Variants in OR9Q1 observed in about 807,000 individuals in gnomAD.
OR9Q1 encodes olfactory receptor 9Q1.
For missense variants in OR9Q1, 374 were observed against 378.8 expected, an observed-to-expected ratio of 0.99 and a Z score of 0.11; for synonymous variants, 153 against 148.6, an observed-to-expected ratio of 1.03 and a Z score of -0.22.
chr11:58,112,947 C>T lies in OR9Q1; in HGVS notation c.-15+57000C>T, dbSNP rs535248851. Among the ~76,000 whole-genome samples, 17 of 152,184 alleles carry T rather than the reference C, an allele frequency of 1.1e-4. 1 individual carries two copies. Among genetic ancestry groups the T allele is most frequent in the Middle Eastern group, 3.4e-3 (1 of 294 alleles). On this transcript the variant is annotated intron_variant, in intron 2 of 2. Coordinates refer to ENST00000335397, the MANE Select transcript of OR9Q1 (RefSeq NM_001005212.4). ...TCTCAACACTTGTTGAAAATACCCACGATCACCCTCAGAGACCCAGGACTT... is the reference window on the plus strand; with the variant it reads ...TCTCAACACTTGTTGAAAATACCCATGATCACCCTCAGAGACCCAGGACTT...
At chr11:58,064,544 A>G (rs995274620) in intron 2 of OR9Q1, among the ~76,000 whole-genome samples, 1 of 152,126 alleles carries the variant, frequency 6.6e-6, no homozygotes, top group Non-Finnish European at 1.5e-5. Flanking sequence ...TGTTGCTGGG[A>G]GCCACAAGCA....
At chr11:58,141,649 A>G (rs575604559) in intron 2 of OR9Q1, among the ~76,000 whole-genome samples, 19 of 152,218 alleles carry the variant, frequency 1.2e-4, no homozygotes, top group Admixed American at 1.3e-4. Flanking sequence ...TTTTGCATCA[A>G]TGTTCGTCAG....
chr11:58,120,020 T>C (rs1211209193), intron 2 of OR9Q1, among the ~76,000 whole-genome samples: 2 of 152,222 alleles, frequency 1.3e-5, no homozygotes, highest in African/African-American at 4.8e-5. Flanking sequence ...CACATTGATA[T>C]ATTTTCCGTC....
chr11:58,068,471 G>A (rs1275394574), intron 2 of OR9Q1, among the ~76,000 whole-genome samples: 4 of 152,142 alleles, frequency 2.6e-5, no homozygotes, highest in African/African-American at 9.7e-5. Context: ...CCACGGGAAT[G>A]AGCCCATGCC....
chr11:58,118,920 GTTTA>G, intron 2 of OR9Q1: 1 of 1,614,036 alleles, frequency 6.2e-7, no homozygotes, highest in Non-Finnish European at 8.5e-7. Context: ...AGAAGAAGAA[GTTTA>G]TTTGATTGTC....
intron 1 of OR9Q1, among the ~76,000 whole-genome samples, chr11:58,024,537 G>C (rs973242281): frequency 1.3e-5 from 2 of 152,128 alleles, no homozygotes; most frequent in Non-Finnish European, 2.9e-5. Flanking sequence ...TTCAATTTTC[G>C]TGCATGGGCC....
intron 2 of OR9Q1, among the ~76,000 whole-genome samples, chr11:58,081,665 G>A (rs1853588424): frequency 1.3e-5 from 2 of 151,824 alleles, no homozygotes; most frequent in Admixed American, 1.3e-4. Context: ...TGATGGGGTT[G>A]TTTGTTTTTT....
intron 2 of OR9Q1, among the ~76,000 whole-genome samples, chr11:58,099,821 T>G (rs1319846982): frequency 6.6e-6 from 1 of 152,172 alleles, no homozygotes; most frequent in African/African-American, 2.4e-5. Flanking sequence ...ATCAATCATG[T>G]TTTTTCCTTA....
At position 58,102,038 on chromosome 11, in the gene OR9Q1, G is replaced by A. The variant is rs543876204; in HGVS notation, c.-15+46091G>A. On this transcript the variant is annotated intron_variant, in intron 2 of 2. Transcript: ENST00000335397. Reference sequence around the variant, plus strand: ...TGGGATTACAGGTGTGAGCCACCACGCCCGGCCATCTTCCAGAATTTTTAC... The same window carrying A: ...TGGGATTACAGGTGTGAGCCACCACACCCGGCCATCTTCCAGAATTTTTAC... Among the ~76,000 whole-genome samples, 5 of 152,212 alleles carry A rather than the reference G, an allele frequency of 3.3e-5. No homozygotes were observed. The East Asian group carries it at 5.8e-4, about 18-fold the overall frequency.
intron 2 of OR9Q1, among the ~76,000 whole-genome samples, chr11:58,172,278 A>G (rs1177335226): frequency 1.3e-5 from 2 of 152,136 alleles, no homozygotes; most frequent in African/African-American, 4.8e-5. Context: ...GGTCATCACA[A>G]TTATTATTAG....
intron 1 of OR9Q1, among the ~76,000 whole-genome samples, chr11:58,046,554 T>C (rs1278991456): frequency 2.0e-5 from 3 of 152,156 alleles, no homozygotes; most frequent in African/African-American, 7.2e-5. Flanking sequence ...AGTTGAGATG[T>C]AACTGCACTT....
At chr11:58,170,153 A>G (rs866334851) in intron 2 of OR9Q1, among the ~76,000 whole-genome samples, 4 of 152,140 alleles carry the variant, frequency 2.6e-5, no homozygotes, top group African/African-American at 7.2e-5. Context: ...GAAGTGAGGC[A>G]TAAGTATCCC....
At chr11:58,048,051 A>G (rs766763787) in intron 1 of OR9Q1, among the ~76,000 whole-genome samples, 4 of 152,186 alleles carry the variant, frequency 2.6e-5, no homozygotes, top group Non-Finnish European at 4.4e-5. Flanking sequence ...GAAGTGAAAG[A>G]CAAGATAATG....
At chr11:58,131,021 T>A (rs930703) in intron 2 of OR9Q1, among the ~76,000 whole-genome samples, 34,102 of 152,054 alleles carry the variant, frequency 0.22, 4,180 homozygotes, top group Middle Eastern at 0.38. Context: ...CAAATTACTT[T>A]GGTGCGGTAG....
chr11:58,149,586 A>C (rs540878453), intron 2 of OR9Q1, among the ~76,000 whole-genome samples: 1 of 152,146 alleles, frequency 6.6e-6, no homozygotes, highest in African/African-American at 2.4e-5. Context: ...CATCATCCCA[A>C]ACTGAAACTC....
At chr11:58,044,940 G>T (rs1289249474) in intron 1 of OR9Q1, 1 of 152,166 alleles carries the variant, frequency 6.6e-6, no homozygotes, top group Non-Finnish European at 1.5e-5. Flanking sequence ...AACTTTTTGA[G>T]TGCCAACATG....
chr11:58,082,835 T>C (rs1248051582), intron 2 of OR9Q1, among the ~76,000 whole-genome samples: 1 of 150,098 alleles, frequency 6.7e-6, no homozygotes, highest in Non-Finnish European at 1.5e-5. Context: ...AGGGTATATG[T>C]GCACAATGTG....
chr11:58,141,500 T>C (rs1387660619), intron 2 of OR9Q1, among the ~76,000 whole-genome samples: 1 of 152,216 alleles, frequency 6.6e-6, no homozygotes, highest in African/African-American at 2.4e-5. Flanking sequence ...TCATTGGTTC[T>C]GTTTATATGC....
intron 1 of OR9Q1, among the ~76,000 whole-genome samples, chr11:58,043,813 C>T (rs1050523650): frequency 6.6e-6 from 1 of 152,150 alleles, no homozygotes; most frequent in Non-Finnish European, 1.5e-5. Flanking sequence ...ATTGACTTCA[C>T]TTTATAGTCT....
Sources: allele counts gnomAD v4.1 joint callset (sites outside exome capture counted in the v4.1 genomes callset), GRCh38; gene constraint gnomAD v4.1.1; transcripts MANE v1.5; gene names NCBI Gene and HGNC (gene_info 2026-07-23, HGNC 2026-07-21).